The following TOP6BL variants were observed in gnomAD, a reference collection of about 807,000 sequenced individuals.
TOP6BL encodes the protein type 2 DNA topoisomerase 6 subunit B-like.
At chr11:66,822,396 C>A in the TOP6BL span, among the ~76,000 whole-genome samples, 2,329 of 151,996 alleles carry the variant, frequency 0.015, 35 homozygotes, top group Middle Eastern at 0.031. Context: ...TATTTTAATT[C>A]CCTAAGTGTT....
the TOP6BL span, among the ~76,000 whole-genome samples, chr11:66,841,109 C>CTTT: frequency 7.7e-6 from 1 of 130,024 alleles, no homozygotes; most frequent in African/African-American, 3.0e-5. Context: ...AGAGGCCTCT[C>CTTT]ATTTTTTTTT....
the TOP6BL span, among the ~76,000 whole-genome samples, chr11:66,801,630 G>C: frequency 6.6e-6 from 1 of 152,292 alleles, no homozygotes; most frequent in South Asian, 2.1e-4. Flanking sequence ...GAGGTTAAGA[G>C]TTTGAGACCA....
chr11:66,785,940 C>G, the TOP6BL span, among the ~76,000 whole-genome samples: 1 of 152,092 alleles, frequency 6.6e-6, no homozygotes, highest in Non-Finnish European at 1.5e-5. Flanking sequence ...TCTTTTGTTC[C>G]CTTTTTGTTG....
the TOP6BL span, among the ~76,000 whole-genome samples, chr11:66,825,039 T>C: frequency 2.0e-5 from 3 of 151,872 alleles, no homozygotes; most frequent in Non-Finnish European, 4.4e-5. Context: ...TAATTTCGTA[T>C]TTTCAGTAGA....
At chr11:66,826,005 C>A in the TOP6BL span, among the ~76,000 whole-genome samples, 1 of 152,044 alleles carries the variant, frequency 6.6e-6, no homozygotes, top group Non-Finnish European at 1.5e-5. Flanking sequence ...CCACGCCCAG[C>A]TAATTTTTTT....
chr11:66,795,200 G>A, the TOP6BL span, among the ~76,000 whole-genome samples: 1 of 151,822 alleles, frequency 6.6e-6, no homozygotes, highest in African/African-American at 2.4e-5. Context: ...ATTATTGTGA[G>A]GTAGTATATA....
the TOP6BL span, among the ~76,000 whole-genome samples, chr11:66,819,997 T>C: frequency 6.6e-6 from 1 of 151,670 alleles, no homozygotes; most frequent in Non-Finnish European, 1.5e-5. Flanking sequence ...GAGGATCACT[T>C]GAGCCCCGGT....
chr11:66,773,137 T>G, the TOP6BL span, among the ~76,000 whole-genome samples: 1 of 152,114 alleles, frequency 6.6e-6, no homozygotes, highest in East Asian at 1.9e-4. Context: ...TGGGGCGATC[T>G]CAGCTCATTG....
chr11:66,798,914 A>G, the TOP6BL span, among the ~76,000 whole-genome samples: 10 of 152,024 alleles, frequency 6.6e-5, no homozygotes, highest in Admixed American at 5.9e-4. Context: ...TCTACTAAAA[A>G]TACAAATATT....
the TOP6BL span, among the ~76,000 whole-genome samples, chr11:66,802,812 A>G: frequency 6.6e-6 from 1 of 152,192 alleles, no homozygotes; most frequent in Non-Finnish European, 1.5e-5. Flanking sequence ...GTGATCCTCT[A>G]ATAATAAACA....
chr11:66,835,778 T>C, the TOP6BL span, among the ~76,000 whole-genome samples: 1 of 152,262 alleles, frequency 6.6e-6, no homozygotes, highest in Non-Finnish European at 1.5e-5. Context: ...TCCATTGTAT[T>C]GATATACCAC....
the TOP6BL span, chr11:66,744,929 G>C: frequency 2.4e-6 from 3 of 1,252,916 alleles, no homozygotes; most frequent in Non-Finnish European, 3.0e-6. Context: ...GGTGATGCTG[G>C]GAAGGGAGAG....
At chr11:66,794,368 G>A in the TOP6BL span, among the ~76,000 whole-genome samples, 2 of 151,994 alleles carry the variant, frequency 1.3e-5, no homozygotes, top group Middle Eastern at 6.8e-3. Context: ...TTCTAACTTT[G>A]GTTTTAGGAA....
chr11:66,791,966 C>T, the TOP6BL span, among the ~76,000 whole-genome samples: 2 of 151,994 alleles, frequency 1.3e-5, no homozygotes, highest in Admixed American at 1.3e-4. Context: ...TACAGGCACT[C>T]GCCACCATGC....
the TOP6BL span, among the ~76,000 whole-genome samples, chr11:66,800,401 A>C: frequency 6.6e-6 from 1 of 152,204 alleles, no homozygotes; most frequent in Non-Finnish European, 1.5e-5. Context: ...TACCACAAAA[A>C]ATGCTAGTAA....
At chr11:66,758,006 C>A in the TOP6BL span, 1 of 412,760 alleles carries the variant, frequency 2.4e-6, no homozygotes, top group Non-Finnish European at 3.3e-6. Flanking sequence ...CCGTGATTCT[C>A]AACCTTATTT....
chr11:66,785,392 A>G, the TOP6BL span, among the ~76,000 whole-genome samples: 1 of 152,186 alleles, frequency 6.6e-6, no homozygotes, highest in Non-Finnish European at 1.5e-5. Context: ...AGATTGTTCT[A>G]TTAACTTTAT....
At chr11:66,789,370 T>G in the TOP6BL span, among the ~76,000 whole-genome samples, 3 of 152,200 alleles carry the variant, frequency 2.0e-5, no homozygotes, top group Admixed American at 6.5e-5. Context: ...TTTTCCTTCC[T>G]TAGAGTTGGT....
the TOP6BL span, among the ~76,000 whole-genome samples, chr11:66,750,172 C>A: frequency 6.6e-6 from 1 of 152,104 alleles, no homozygotes; most frequent in African/African-American, 2.4e-5. Context: ...GGCAGCATTT[C>A]ATGTTAGCAT....
Sources: allele counts gnomAD v4.1 joint callset (sites outside exome capture counted in the v4.1 genomes callset), GRCh38; gene constraint gnomAD v4.1.1; transcripts MANE v1.5; gene names NCBI Gene and HGNC (gene_info 2026-07-23, HGNC 2026-07-21).